Variants in NAALADL2 observed in about 807,000 individuals in gnomAD.
NAALADL2 encodes the protein inactive N-acetylated-alpha-linked acidic dipeptidase-like protein 2.
A neutral mutation model predicts 87.2 loss-of-function variants in NAALADL2; 76 were observed. That is an observed-to-expected ratio of 0.87 (90% CI 0.72 to 1.05). The LOEUF (loss-of-function observed/expected upper bound fraction) is 1.05, where lower values mean the gene tolerates loss of function less well. Ranked by LOEUF, NAALADL2 falls within the 50% of genes least tolerant of loss-of-function variation. The pLI is 0.00. For missense variants in NAALADL2, 1,089 were observed against 945.8 expected, an observed-to-expected ratio of 1.15 and a Z score of -1.99; for synonymous variants, 354 against 331.0, an observed-to-expected ratio of 1.07 and a Z score of -0.75.
intron 1 of NAALADL2, among the ~76,000 whole-genome samples, chr3:175,073,224 A>T (rs936093791): frequency 6.6e-6 from 1 of 152,094 alleles, no homozygotes; most frequent in African/African-American, 2.4e-5. Flanking sequence ...TGTAATGCTA[A>T]TATCAGATTT....
chr3:175,752,621 C>T (rs1746752726), intron 12 of NAALADL2, among the ~76,000 whole-genome samples: 1 of 152,078 alleles, frequency 6.6e-6, no homozygotes, highest in Non-Finnish European at 1.5e-5. Flanking sequence ...GTAATGCATA[C>T]AGTGTGTTGT....
Position 175,154,457 on chromosome 3 carries a change from ATC to A in NAALADL2, c.545+57172_545+57173del, listed in dbSNP as rs555711387. On this transcript the variant is annotated intron_variant, in intron 2 of 13. Transcript: ENST00000454872. ...TAGGTAACCTTGAGAAATTTATTTA[ATC>A]TCTCTTTCCTTATCTGTAAAATAGA... Among the ~76,000 whole-genome samples, 861 of 152,270 alleles carry A rather than the reference ATC, an allele frequency of 5.7e-3. 1 individual carries two copies. Among genetic ancestry groups the A allele is most frequent in the South Asian group, 0.01 (49 of 4,832 alleles).
intron 1 of NAALADL2, among the ~76,000 whole-genome samples, chr3:174,972,961 A>C (rs1743891519): frequency 6.8e-6 from 1 of 147,614 alleles, no homozygotes; most frequent in Admixed American, 6.9e-5. Flanking sequence ...GTGCCATTGC[A>C]CTCCAGCTTG....
chr3:175,467,214 CT>C (rs767437509), intron 8 of NAALADL2, 30 bp downstream of exon 8: 4 of 1,555,902 alleles, frequency 2.6e-6, no homozygotes, highest in South Asian at 1.1e-5. Context: ...AATTACAGTG[CT>C]TTTCTTTTCT....
At chr3:175,082,180 G>C (rs76970820) in intron 1 of NAALADL2, among the ~76,000 whole-genome samples, 2,105 of 152,226 alleles carry the variant, frequency 0.014, 44 homozygotes, top group African/African-American at 0.047. Context: ...CTGACACCCA[G>C]TGCACAGTCT....
At chr3:175,471,809 T>A in intron 9 of NAALADL2, 51 bp downstream of exon 9, 1 of 1,471,742 alleles carries the variant, frequency 6.8e-7, no homozygotes. Context: ...CGACCTTTTC[T>A]CTATATTTTG....
chr3:175,085,379 C>A (rs1016306292), intron 1 of NAALADL2, among the ~76,000 whole-genome samples: 1 of 152,130 alleles, frequency 6.6e-6, no homozygotes, highest in Non-Finnish European at 1.5e-5. Flanking sequence ...CTGCTTATAA[C>A]TTGTGTTGCA....
intron 1 of NAALADL2, among the ~76,000 whole-genome samples, chr3:175,000,679 A>T (rs976741040): frequency 5.3e-5 from 8 of 152,122 alleles, no homozygotes; most frequent in Non-Finnish European, 2.9e-5. Flanking sequence ...CCATAATCTT[A>T]ATTAGTCATG....
intron 1 of NAALADL2, among the ~76,000 whole-genome samples, chr3:174,501,616 G>T (rs1718902627): frequency 6.6e-6 from 1 of 152,110 alleles, no homozygotes; most frequent in African/African-American, 2.4e-5. Flanking sequence ...ATTCTTGAAT[G>T]AGCTTTGGCA....
chr3:175,245,040 C>T lies in NAALADL2; in HGVS notation c.819+10836C>T, dbSNP rs987072472. On this transcript the variant is annotated intron_variant, in intron 3 of 13. Transcript: ENST00000454872. The stretch of plus-strand genomic sequence containing the variant: ...TTGCCAGAAAATGAAATAATTATCT[C>T]TTTAATACCCTCTTTCTTGGACTTC... Among the ~76,000 whole-genome samples the T allele has an allele frequency of 2.6e-5, 4 of 152,098 alleles. No individual in the cohort carries two copies. In the South Asian group the frequency reaches 6.2e-4, roughly 24 times the overall value.
chr3:175,555,146 C>T (rs1715051119), intron 9 of NAALADL2, among the ~76,000 whole-genome samples: 1 of 151,996 alleles, frequency 6.6e-6, no homozygotes, highest in Non-Finnish European at 1.5e-5. Context: ...TCTGTTTTGC[C>T]TTTCTTTAAG....
At chr3:174,996,324 C>G (rs997209172) in intron 1 of NAALADL2, among the ~76,000 whole-genome samples, 1 of 148,680 alleles carries the variant, frequency 6.7e-6, no homozygotes, top group Admixed American at 6.6e-5. Flanking sequence ...GGTGAAACCC[C>G]GTCTCTGCTA....
chr3:175,413,877 A>G (rs1037816253), intron 5 of NAALADL2, among the ~76,000 whole-genome samples: 2 of 152,210 alleles, frequency 1.3e-5, no homozygotes, highest in African/African-American at 4.8e-5. Flanking sequence ...TGAAAAGACC[A>G]AAATACCTGA....
chr3:174,640,332 C>T (rs1408198290), intron 2 of NAALADL2, among the ~76,000 whole-genome samples: 1 of 152,176 alleles, frequency 6.6e-6, no homozygotes, highest in Non-Finnish European at 1.5e-5. Flanking sequence ...GGGTGTCCAA[C>T]CCTTAAAGGC....
chr3:175,356,836 G>C (rs1764433081), intron 5 of NAALADL2, among the ~76,000 whole-genome samples: 1 of 151,974 alleles, frequency 6.6e-6, no homozygotes, highest in African/African-American at 2.4e-5. Flanking sequence ...GTAAGTTCTT[G>C]GCCAAGCATG....
intron 9 of NAALADL2, among the ~76,000 whole-genome samples, chr3:175,528,171 G>A (rs1733663434): frequency 6.6e-6 from 1 of 151,778 alleles, no homozygotes; most frequent in Non-Finnish European, 1.5e-5. Context: ...GGATATACAT[G>A]TATATATATA....
chr3:175,503,806 T>G (rs1292075830), intron 9 of NAALADL2, among the ~76,000 whole-genome samples: 2 of 152,196 alleles, frequency 1.3e-5, no homozygotes, highest in African/African-American at 2.4e-5. Context: ...TCTGTTTAAG[T>G]TCCTTATAGA....
intron 2 of NAALADL2, among the ~76,000 whole-genome samples, chr3:175,131,966 T>C (rs1410034432): frequency 1.6e-3 from 128 of 80,086 alleles, no homozygotes; most frequent in Middle Eastern, 9.3e-3. Context: ...GCCCCTCACC[T>C]CCCGGACGGG....
chr3:174,553,306 G>A (rs1337106741), intron 2 of NAALADL2, among the ~76,000 whole-genome samples: 1 of 152,066 alleles, frequency 6.6e-6, no homozygotes, highest in African/African-American at 2.4e-5. Context: ...AACAAATCTG[G>A]ATTTGTATAT....
Sources: allele counts gnomAD v4.1 joint callset (sites outside exome capture counted in the v4.1 genomes callset), GRCh38; gene constraint gnomAD v4.1.1; transcripts MANE v1.5; gene names NCBI Gene and HGNC (gene_info 2026-07-23, HGNC 2026-07-21).